Variants in DARS1 observed in about 807,000 individuals in gnomAD.
The protein encoded by DARS1 is aspartyl-tRNA synthetase 1, also known as aspartate--tRNA ligase, cytoplasmic.
A neutral mutation model predicts 68.8 loss-of-function variants in DARS1; 51 were observed. The ratio of observed to expected loss-of-function variants is 0.74; its 90% CI spans 0.59 to 0.94. DARS1 has a LOEUF of 0.94. Ranked by LOEUF, DARS1 falls within the 40% of genes least tolerant of loss-of-function variation. DARS1 has a pLI of 0.00. For synonymous variants in DARS1, 203 were observed against 190.4 expected, an observed-to-expected ratio of 1.07 and a Z score of -0.55; for missense variants, 607 against 597.3, an observed-to-expected ratio of 1.02 and a Z score of -0.17.
Position 135,905,993 on chromosome 2 carries a change from A to C in DARS1, c.*1323T>G, listed in dbSNP as rs1397063237. Among the ~76,000 whole-genome samples the C allele has an allele frequency of 6.6e-6, 1 of 152,226 alleles. No individual in the cohort carries two copies. Among genetic ancestry groups the C allele is most frequent in the Admixed American group, 6.5e-5 (1 of 15,290 alleles). On this transcript the variant is annotated 3_prime_UTR_variant, in exon 16 of 16. Transcript: ENST00000264161. ...GGGTCTAGCAATTACACACTATAGA[A>C]GATGGATATTTTATTCTTGCTGTGG...
intron 8 of DARS1, among the ~76,000 whole-genome samples, chr2:135,923,948 T>C (rs1354377644): frequency 6.6e-6 from 1 of 151,818 alleles, no homozygotes; most frequent in African/African-American, 2.4e-5. Context: ...ACCTGGGAGG[T>C]GGAGGTTCGG....
chr2:135,980,196 T>C (rs1288608771), intron 2 of DARS1, among the ~76,000 whole-genome samples: 1 of 152,184 alleles, frequency 6.6e-6, no homozygotes, highest in Non-Finnish European at 1.5e-5. Flanking sequence ...AACAAAATAC[T>C]ACATTCATCT....
intron 4 of DARS1, among the ~76,000 whole-genome samples, chr2:135,946,398 T>A (rs1358787273): frequency 6.6e-6 from 1 of 152,200 alleles, no homozygotes; most frequent in Non-Finnish European, 1.5e-5. Flanking sequence ...TGTAACCTTC[T>A]GAGAAGCAAT....
rs1680811694 is a variant in DARS1 at position 135,907,408 on chromosome 2, C to T, written c.1415-1G>A. 1 of 1,604,774 alleles carries T rather than the reference C, an allele frequency of 6.2e-7. No homozygotes were observed. The highest frequency in any genetic ancestry group is 8.5e-7 in the Non-Finnish European group (1 of 1,173,560). ...AACAGCATAGTAACTCGTTCCAATCCTGGGGAAGACAAAAATAATCATTAA... is the reference window on the plus strand; with the variant it reads ...AACAGCATAGTAACTCGTTCCAATCTTGGGGAAGACAAAAATAATCATTAA... On this transcript the variant is annotated splice_acceptor_variant, in intron 15 of 15. Transcript: ENST00000264161. LOFTEE classifies it high-confidence loss of function.
At chr2:135,974,946 CAAATT>C (rs1357366125) in intron 3 of DARS1, among the ~76,000 whole-genome samples, 1 of 151,886 alleles carries the variant, frequency 6.6e-6, no homozygotes, top group Non-Finnish European at 1.5e-5. Flanking sequence ...GACTGAAACA[CAAATT>C]AAAGCAACAA....
At chr2:135,969,036 T>C (rs1033352600) in intron 3 of DARS1, among the ~76,000 whole-genome samples, 2 of 151,998 alleles carry the variant, frequency 1.3e-5, no homozygotes, top group Non-Finnish European at 2.9e-5. Context: ...AGTGGTACTG[T>C]GACATACCTG....
intron 13 of DARS1, among the ~76,000 whole-genome samples, 190 bp downstream of exon 13, chr2:135,912,296 C>T (rs1288838938): frequency 6.6e-6 from 1 of 152,092 alleles, no homozygotes; most frequent in Non-Finnish European, 1.5e-5. Flanking sequence ...GTTTTTAAAA[C>T]TAATTTTCTA....
At chr2:135,955,121 T>G (rs1339764265) in intron 4 of DARS1, among the ~76,000 whole-genome samples, 1 of 149,954 alleles carries the variant, frequency 6.7e-6, no homozygotes, top group African/African-American at 2.5e-5. Context: ...TTTTCTAAAC[T>G]ATTTCCATTT....
chr2:135,955,673 CTTTTTTTT>C lies in DARS1; in HGVS notation c.320+5715_320+5722del, dbSNP rs75123258. On this transcript the variant is annotated intron_variant, in intron 4 of 15. Coordinates refer to ENST00000264161, the MANE Select transcript of DARS1 (RefSeq NM_001349.4). ...ACCACCACCTTTTGAAAATAAAAATCTTTTTTTTTTTTTTTTTTTTTTTTTTTTTTTTA... is the reference window on the plus strand; with the variant it reads ...ACCACCACCTTTTGAAAATAAAAATCTTTTTTTTTTTTTTTTTTTTTTTTA... Among the ~76,000 whole-genome samples, 186 of 61,328 alleles carry C rather than the reference CTTTTTTTT, an allele frequency of 3.0e-3. 3 individuals carry two copies. The highest frequency in any genetic ancestry group is 9.0e-3 in the African/African-American group (123 of 13,732). 40.2% of individuals were successfully genotyped at this position (61,328 alleles called of 152,430 possible).
At chr2:135,984,893 A>C (rs1682735851) in intron 1 of DARS1, among the ~76,000 whole-genome samples, 1 of 152,202 alleles carries the variant, frequency 6.6e-6, no homozygotes, top group Non-Finnish European at 1.5e-5. Flanking sequence ...CGGGTCACTG[A>C]GAGGGAGAAA....
At chr2:135,964,749 G>A (rs1240194743) in intron 3 of DARS1, among the ~76,000 whole-genome samples, 1 of 148,722 alleles carries the variant, frequency 6.7e-6, no homozygotes, top group African/African-American at 2.5e-5. Flanking sequence ...GTTGAGGCAG[G>A]AGAATTGCTT....
intron 8 of DARS1, among the ~76,000 whole-genome samples, chr2:135,924,103 A>G (rs1003350726): frequency 1.3e-5 from 2 of 152,258 alleles, no homozygotes; most frequent in African/African-American, 4.8e-5. Context: ...ATATAATGAA[A>G]GTAGTTCCTG....
intron 3 of DARS1, 60 bp from the exon 4 acceptor site, chr2:135,961,558 G>A (rs1473977522): frequency 1.1e-6 from 1 of 898,246 alleles, no homozygotes. Flanking sequence ...GTTTTACAAA[G>A]AAGGAAAATG....
chr2:135,954,344 AAGAG>A (rs963359087), intron 4 of DARS1, among the ~76,000 whole-genome samples: 14 of 150,720 alleles, frequency 9.3e-5, no homozygotes, highest in Admixed American at 4.0e-4. Context: ...AAAAAAAAAA[AAGAG>A]AGAGAGAACA....
chr2:135,950,758 T>C (rs971694168), intron 4 of DARS1, among the ~76,000 whole-genome samples: 2 of 152,148 alleles, frequency 1.3e-5, no homozygotes, highest in East Asian at 1.9e-4. Flanking sequence ...TAAAGTAGAA[T>C]ATACACTAGT....
chr2:135,959,352 T>C (rs1456673635), intron 4 of DARS1, among the ~76,000 whole-genome samples: 6 of 118,568 alleles, frequency 5.1e-5, no homozygotes, highest in Admixed American at 2.5e-4. Context: ...GACCACGCCA[T>C]TGCACTCCAG....
chr2:135,930,685 T>C (rs1034868422), intron 7 of DARS1, among the ~76,000 whole-genome samples: 1 of 152,208 alleles, frequency 6.6e-6, no homozygotes, highest in African/African-American at 2.4e-5. Flanking sequence ...AGACTAATTT[T>C]GAACCAACGA....
In DARS1 at chr2:135,961,451, C is replaced by A. The variant is rs563960948; in HGVS notation, c.265G>T (p.Ala89Ser). 2 of 1,566,694 alleles carry A rather than the reference C, an allele frequency of 1.3e-6. No homozygotes were observed. The highest frequency in any genetic ancestry group is 2.7e-5 in the African/African-American group (2 of 74,050). Residue 89 changes from alanine to serine, a missense_variant, in exon 4 of 16, where the codon GCT becomes TCT. Physicochemically the swap from Ala to Ser is moderately conservative, Grantham distance 99. Transcript: ENST00000264161. The part of the protein sequence containing the change: ...VLRQQQFNVQ[A>S]LVAVGDHASK... The stretch of plus-strand genomic sequence containing the variant: ...GCATGGTCTCCCACCGCCACAAGAG[C>A]CTGGACATTAAACTGCTGCTGACGT...
At chr2:135,917,693 G>C (rs1007379198) in intron 10 of DARS1, among the ~76,000 whole-genome samples, 1 of 151,970 alleles carries the variant, frequency 6.6e-6, no homozygotes, top group African/African-American at 2.4e-5. Context: ...TGCCCAGGCT[G>C]GTCTTGAACT....
Sources: gnomAD v4.1 joint callset for allele counts (sites outside exome capture counted in the v4.1 genomes callset) on GRCh38, gnomAD v4.1.1 for gene constraint, MANE v1.5 for transcripts, NCBI Gene and HGNC (gene_info 2026-07-23, HGNC 2026-07-21) for gene names.